Variants in KLHL1 observed in about 807,000 individuals in gnomAD.
KLHL1 encodes kelch-like protein 1.
Under a neutral mutation model 77.7 loss-of-function variants are expected in KLHL1, and 47 were observed. That is an observed-to-expected ratio of 0.60 (90% CI 0.48 to 0.77). The LOEUF (loss-of-function observed/expected upper bound fraction) is 0.77, where lower values mean the gene tolerates loss of function less well. Ranked by LOEUF, KLHL1 falls within the 30% of genes least tolerant of loss-of-function variation. KLHL1 has a pLI of 0.00. For synonymous variants in KLHL1, 360 were observed against 325.2 expected (o/e 1.11, Z -1.15); for missense variants, 925 against 910.8 (o/e 1.02, Z -0.20).
intron 4 of KLHL1, among the ~76,000 whole-genome samples, chr13:69,915,423 C>T (rs1882393010): frequency 6.6e-6 from 1 of 152,104 alleles, no homozygotes; most frequent in Non-Finnish European, 1.5e-5. Flanking sequence ...GAACAGAGCC[C>T]TCAGAAATAA....
chr13:69,834,112 A>T (rs1472964883), intron 6 of KLHL1, among the ~76,000 whole-genome samples: 1 of 151,892 alleles, frequency 6.6e-6, no homozygotes, highest in African/African-American at 2.4e-5. Flanking sequence ...AGGTTGAGGG[A>T]CAAAAGACTA....
At chr13:70,068,209 CG>C (rs1396729863) in intron 1 of KLHL1, among the ~76,000 whole-genome samples, 1 of 151,854 alleles carries the variant, frequency 6.6e-6, no homozygotes, top group Non-Finnish European at 1.5e-5. Flanking sequence ...GGCGTGGTGG[CG>C]GGCGCCTGTA....
intron 1 of KLHL1, among the ~76,000 whole-genome samples, chr13:69,987,424 A>G (rs1365154756): frequency 8.5e-5 from 13 of 152,064 alleles, no homozygotes; most frequent in Admixed American, 8.5e-4. Context: ...AATGTCCTTT[A>G]TTTATATTTT....
intron 10 of KLHL1, among the ~76,000 whole-genome samples, chr13:69,705,236 C>CA (rs200179379): frequency 0.025 from 3,833 of 151,428 alleles, 67 homozygotes; most frequent in Middle Eastern, 0.045. Flanking sequence ...AAATCAAACA[C>CA]AAAAAATAAG....
At chr13:69,957,546 T>C (rs1447510965) in intron 3 of KLHL1, among the ~76,000 whole-genome samples, 1 of 151,702 alleles carries the variant, frequency 6.6e-6, no homozygotes, top group Non-Finnish European at 1.5e-5. Context: ...ACATATATAG[T>C]TTACATTGTG....
chr13:69,812,196 C>T (rs1877911613), intron 6 of KLHL1, among the ~76,000 whole-genome samples: 1 of 152,116 alleles, frequency 6.6e-6, no homozygotes, highest in South Asian at 2.1e-4. Flanking sequence ...GTTCAGTTTC[C>T]ATGCAATTGA....
At chr13:69,721,334 G>C (rs935253407) in intron 8 of KLHL1, among the ~76,000 whole-genome samples, 12 of 150,178 alleles carry the variant, frequency 8.0e-5, no homozygotes, top group African/African-American at 2.9e-4. Context: ...TTGATGTCTC[G>C]TATCTCCCTA....
At chr13:70,039,344 A>C (rs1397572963) in intron 1 of KLHL1, among the ~76,000 whole-genome samples, 2 of 152,032 alleles carry the variant, frequency 1.3e-5, no homozygotes, top group Admixed American at 6.5e-5. Context: ...ATGGCCTCTC[A>C]AAGTGCTGGG....
At chr13:69,923,706 G>A (rs2138268477) in intron 4 of KLHL1, among the ~76,000 whole-genome samples, 1 of 152,288 alleles carries the variant, frequency 6.6e-6, no homozygotes, top group Non-Finnish European at 1.5e-5. Context: ...GATGAATATG[G>A]CAGTCCATCT....
chr13:69,823,641 T>A (rs1878429296), intron 6 of KLHL1, among the ~76,000 whole-genome samples: 1 of 152,104 alleles, frequency 6.6e-6, no homozygotes, highest in Non-Finnish European at 1.5e-5. Flanking sequence ...CTTTGTTTTC[T>A]TTTGTATAAG....
chr13:69,979,950 C>T (rs1353632583), intron 1 of KLHL1, among the ~76,000 whole-genome samples: 1 of 152,178 alleles, frequency 6.6e-6, no homozygotes, highest in African/African-American at 2.4e-5. Context: ...CCTCCAAATA[C>T]TCCTTAATCT....
At chr13:69,721,317 A>G (rs1426216358) in intron 8 of KLHL1, among the ~76,000 whole-genome samples, 1 of 150,068 alleles carries the variant, frequency 6.7e-6, no homozygotes, top group African/African-American at 2.4e-5. Context: ...TATCTTACAC[A>G]TATTGATTGA....
intron 1 of KLHL1, among the ~76,000 whole-genome samples, chr13:70,055,212 C>A (rs1886716096): frequency 6.6e-6 from 1 of 151,996 alleles, no homozygotes; most frequent in South Asian, 2.1e-4. Flanking sequence ...TGCAATACAT[C>A]CGGCAGCTGA....
intron 8 of KLHL1, among the ~76,000 whole-genome samples, chr13:69,738,730 C>A (rs1873865044): frequency 6.6e-6 from 1 of 151,926 alleles, no homozygotes; most frequent in Non-Finnish European, 1.5e-5. Context: ...TCAACAAAAC[C>A]TCTGAGAACT....
At chr13:69,975,548 T>C in intron 2 of KLHL1, 72 bp downstream of exon 2, 2 of 1,273,618 alleles carry the variant, frequency 1.6e-6, no homozygotes, top group Non-Finnish European at 1.1e-6. Context: ...TATAATATTC[T>C]GCAATCTGCA....
intron 1 of KLHL1, among the ~76,000 whole-genome samples, chr13:70,056,214 A>G (rs1886739978): frequency 6.6e-6 from 1 of 152,154 alleles, no homozygotes; most frequent in Non-Finnish European, 1.5e-5. Flanking sequence ...CAAGTAAAAT[A>G]TAAGACAAAA....
intron 4 of KLHL1, among the ~76,000 whole-genome samples, chr13:69,886,681 C>T (rs939969595): frequency 6.6e-6 from 1 of 151,896 alleles, no homozygotes; most frequent in Admixed American, 6.6e-5. Flanking sequence ...GTTTAAGTAA[C>T]TTTAATTTTG....
Position 69,791,997 on chromosome 13 carries a change from T to C in KLHL1, c.1639+4741A>G, listed in dbSNP as rs543726054. On this transcript the variant is annotated intron_variant, in intron 7 of 10. Coordinates refer to ENST00000377844, the MANE Select transcript of KLHL1 (RefSeq NM_020866.3). Reference sequence around the variant, plus strand: ...GAAAATTGCAGAGCGTCAGGAGAAATAGCGAATGCATGCTGGGCTTAATAC... The same window carrying C: ...GAAAATTGCAGAGCGTCAGGAGAAACAGCGAATGCATGCTGGGCTTAATAC... Among the ~76,000 whole-genome samples, 15 of 152,252 alleles carry C rather than the reference T, an allele frequency of 9.9e-5. No homozygotes were observed. In the South Asian group the frequency reaches 3.1e-3, roughly 32 times the overall value.
At chr13:70,078,555 A>T (rs1175076725) in intron 1 of KLHL1, among the ~76,000 whole-genome samples, 1 of 152,106 alleles carries the variant, frequency 6.6e-6, no homozygotes, top group Non-Finnish European at 1.5e-5. Context: ...GCAGTCACAC[A>T]AACAGTTTTC....
Sources: gnomAD v4.1 joint callset for allele counts (sites outside exome capture counted in the v4.1 genomes callset) on GRCh38, gnomAD v4.1.1 for gene constraint, MANE v1.5 for transcripts, NCBI Gene and HGNC (gene_info 2026-07-23, HGNC 2026-07-21) for gene names.